C16orf74: variants seen among roughly 807,000 people sequenced by gnomAD.
C16orf74 encodes calcimembrin, also known as uncharacterized protein C16orf74.
In C16orf74, 10 loss-of-function variants were observed where a neutral mutation model predicts 6.5. The observed-to-expected ratio is 1.54, with a 90% CI of 0.95 to 2.61. The LOEUF (loss-of-function observed/expected upper bound fraction) is 2.61. C16orf74 is among the 30% of genes most tolerant of loss of function. C16orf74 has a pLI of 0.00. For synonymous variants in C16orf74, 60 were observed against 42.5 expected (o/e 1.41, Z -1.60); for missense variants, 141 against 105.9 (o/e 1.33, Z -1.45).
chr16:85,741,654 C>G lies in C16orf74; in HGVS notation c.-18-6419G>C, dbSNP rs549837990. On this transcript the variant is annotated intron_variant, in intron 1 of 3. Coordinates refer to ENST00000284245, the MANE Select transcript of C16orf74 (RefSeq NM_206967.3). ...ATTGTCATCCTGCTTCTGCCTCCCT[C>G]CAAGGACAGCACAAAGGCGGCAGGC... 4 of 170,626 alleles carry G rather than the reference C, an allele frequency of 2.3e-5. No individual in the cohort carries two copies. The South Asian group carries it at 6.1e-4, about 26-fold the overall frequency. The allele number at this position is 170,626 out of a possible 1,614,324, so 10.6% of individuals were successfully genotyped here. A position where few individuals can be genotyped will look rare whatever the true frequency, so the allele number is the denominator to read the frequency against.
At chr16:85,749,727 C>T (rs546941589) in intron 1 of C16orf74, among the ~76,000 whole-genome samples, 1 of 152,216 alleles carries the variant, frequency 6.6e-6, no homozygotes, top group Non-Finnish European at 1.5e-5. Flanking sequence ...TGTCCACTGA[C>T]GGCACGCTCC....
At chr16:85,735,259 G>C (rs12920629) in intron 1 of C16orf74, 24 bp from the exon 2 acceptor site, 7 of 1,540,810 alleles carry the variant, frequency 4.5e-6, no homozygotes, top group African/African-American at 4.2e-5. Context: ...ACAGCGCTGA[G>C]AGAGGGGAGG....
intron 2 of C16orf74, among the ~76,000 whole-genome samples, chr16:85,714,222 G>A (rs2053997064): frequency 6.6e-6 from 1 of 151,948 alleles, no homozygotes; most frequent in South Asian, 2.1e-4. Context: ...GGTGTGAGGT[G>A]ACCATGATGA....
chr16:85,724,816 G>T (rs1165381348), intron 2 of C16orf74, among the ~76,000 whole-genome samples: 1 of 152,154 alleles, frequency 6.6e-6, no homozygotes, highest in Non-Finnish European at 1.5e-5. Context: ...CCAAGTCTTG[G>T]GCCAGGTGCC....
intron 2 of C16orf74, among the ~76,000 whole-genome samples, chr16:85,721,183 C>T (rs2054079033): frequency 6.6e-6 from 1 of 152,066 alleles, no homozygotes; most frequent in Non-Finnish European, 1.5e-5. Context: ...CTACTCATCC[C>T]TAAAATGGAA....
chr16:85,736,254 G>C (rs531512759), intron 1 of C16orf74, among the ~76,000 whole-genome samples: 3 of 152,272 alleles, frequency 2.0e-5, no homozygotes, highest in East Asian at 1.9e-4. Flanking sequence ...CTGCTTTCTA[G>C]AGGGGTGTGT....
intron 2 of C16orf74, among the ~76,000 whole-genome samples, chr16:85,727,263 G>C (rs1413256215): frequency 6.6e-6 from 1 of 152,224 alleles, no homozygotes; most frequent in South Asian, 2.1e-4. Context: ...CCAGGGGCTA[G>C]ACGCAAGCCT....
chr16:85,736,358 G>C (rs781519583), intron 1 of C16orf74, among the ~76,000 whole-genome samples: 1 of 152,132 alleles, frequency 6.6e-6, no homozygotes, highest in Non-Finnish European at 1.5e-5. Flanking sequence ...GGGGAGCAAG[G>C]CAGCAGCTCA....
chr16:85,725,070 G>C (rs2054119986), intron 2 of C16orf74, among the ~76,000 whole-genome samples: 1 of 152,188 alleles, frequency 6.6e-6, no homozygotes, highest in Non-Finnish European at 1.5e-5. Context: ...ACTGATGGGG[G>C]GGGGACCGGC....
intron 3 of C16orf74, among the ~76,000 whole-genome samples, chr16:85,709,867 T>G (rs1271315460): frequency 6.6e-6 from 1 of 152,124 alleles, no homozygotes. Flanking sequence ...ATCCATCAAT[T>G]ACCTTGGCTG....
intron 1 of C16orf74, among the ~76,000 whole-genome samples, chr16:85,749,716 G>C (rs527302983): frequency 1.3e-5 from 2 of 152,372 alleles, no homozygotes; most frequent in African/African-American, 4.8e-5. Context: ...CTCTTCTTCA[G>C]TGTCCACTGA....
intron 1 of C16orf74, among the ~76,000 whole-genome samples, chr16:85,748,918 G>A (rs891689522): frequency 2.1e-5 from 3 of 142,850 alleles, no homozygotes; most frequent in African/African-American, 8.0e-5. Context: ...ATGATTGGGA[G>A]GCTTTGATTT....
intron 2 of C16orf74, among the ~76,000 whole-genome samples, chr16:85,719,445 C>CTGGA (rs983281275): frequency 1.3e-5 from 2 of 152,098 alleles, no homozygotes; most frequent in African/African-American, 4.8e-5. Flanking sequence ...TTGTGGGAGG[C>CTGGA]TGGACTGTGT....
chr16:85,719,259 G>A (rs895082741), intron 2 of C16orf74, among the ~76,000 whole-genome samples: 2 of 152,204 alleles, frequency 1.3e-5, no homozygotes, highest in African/African-American at 2.4e-5. Flanking sequence ...GCTGCGGAAA[G>A]AACGGCCTCT....
rs1598775062 is a variant in C16orf74 at position 85,707,728 on chromosome 16, A to C, written c.*280T>G. 3 of 460,708 alleles carry C rather than the reference A, an allele frequency of 6.5e-6. No homozygotes were observed. The highest frequency in any genetic ancestry group is 1.2e-5 in the Non-Finnish European group (3 of 257,848). 28.5% of individuals were successfully genotyped at this position (460,708 alleles called of 1,614,324 possible). Reference sequence around the variant, plus strand: ...AAGAGAGCCTCTCCCTGGGACCCCAACAGCCAGGACCATGGCGCTCCCTTT... The same window carrying C: ...AAGAGAGCCTCTCCCTGGGACCCCACCAGCCAGGACCATGGCGCTCCCTTT... On this transcript the variant is annotated 3_prime_UTR_variant, in exon 4 of 4. Transcript: ENST00000284245.
At chr16:85,722,202 T>C (rs1026732657) in intron 2 of C16orf74, among the ~76,000 whole-genome samples, 3 of 152,068 alleles carry the variant, frequency 2.0e-5, no homozygotes, top group African/African-American at 7.2e-5. Context: ...ACCTGTATAC[T>C]GCAGTGCTGT....
At chr16:85,738,085 T>C (rs572787026) in intron 1 of C16orf74, among the ~76,000 whole-genome samples, 3 of 151,628 alleles carry the variant, frequency 2.0e-5, no homozygotes, top group African/African-American at 7.3e-5. Context: ...CTATAAAACA[T>C]TTTTAAAAAA....
Position 85,710,124 on chromosome 16 carries a change from C to G in C16orf74, c.172+40G>C, listed in dbSNP as rs1288025568. 5 of 1,373,792 alleles carry G rather than the reference C, an allele frequency of 3.6e-6. 1 individual carries two copies. Among genetic ancestry groups the G allele is most frequent in the South Asian group, 3.6e-5 (2 of 56,206 alleles). 85.1% of individuals were successfully genotyped at this position (1,373,792 alleles called of 1,614,324 possible). ...CTGAGAGCTGTCTCCACCGGGCCCCCACAGCCGACCCGGCTTGGCGGTGGA... is the reference window on the plus strand; with the variant it reads ...CTGAGAGCTGTCTCCACCGGGCCCCGACAGCCGACCCGGCTTGGCGGTGGA... On this transcript the variant is annotated intron_variant, in intron 3 of 3. Coordinates refer to ENST00000284245, the MANE Select transcript of C16orf74 (RefSeq NM_206967.3).
intron 1 of C16orf74, among the ~76,000 whole-genome samples, chr16:85,739,660 C>T (rs1243154163): frequency 6.6e-6 from 1 of 151,768 alleles, no homozygotes; most frequent in Non-Finnish European, 1.5e-5. Flanking sequence ...TTTAACCAGT[C>T]ATGGTGGTGC....
Sources: allele counts gnomAD v4.1 joint callset (sites outside exome capture counted in the v4.1 genomes callset), GRCh38; gene constraint gnomAD v4.1.1; transcripts MANE v1.5; gene names NCBI Gene and HGNC (gene_info 2026-07-23, HGNC 2026-07-21).